ZBTB40: variants seen among roughly 807,000 people sequenced by gnomAD.
ZBTB40 encodes the protein zinc finger and BTB domain-containing protein 40.
In ZBTB40, 60 loss-of-function variants were observed where a neutral mutation model predicts 117.5. The ratio of observed to expected loss-of-function variants is 0.51; its 90% confidence interval spans 0.41 to 0.63. The LOEUF (loss-of-function observed/expected upper bound fraction) is 0.63. ZBTB40 is among the 30% of genes least tolerant of loss of function. The probability of loss-of-function intolerance (pLI) is 0.00; values close to 1 mark genes in which losing one functional copy is unlikely to be tolerated. For synonymous variants in ZBTB40, 525 were observed against 577.1 expected, an observed-to-expected ratio of 0.91 and a Z score of 1.29; for missense variants, 1,287 against 1,498.5, an observed-to-expected ratio of 0.86 and a Z score of 2.33.
At chr1:22,500,219 A>T (rs550238878) in intron 3 of ZBTB40, among the ~76,000 whole-genome samples, 1 of 152,318 alleles carries the variant, frequency 6.6e-6, no homozygotes, top group South Asian at 2.1e-4. Flanking sequence ...CAAAGAAAGG[A>T]ATGCTAATTT....
intron 3 of ZBTB40, 76 bp downstream of exon 3, chr1:22,491,609 C>A: frequency 6.8e-7 from 1 of 1,473,542 alleles, no homozygotes; most frequent in Non-Finnish European, 9.4e-7. Context: ...TTATATGGGG[C>A]AGAAATAGCC....
At chr1:22,515,025 C>G (rs933125895) in intron 12 of ZBTB40, among the ~76,000 whole-genome samples, 2 of 152,148 alleles carry the variant, frequency 1.3e-5, no homozygotes, top group African/African-American at 4.8e-5. Flanking sequence ...TATGAAGAAG[C>G]ATAAAGCAGG....
At chr1:22,522,870 A>G (rs1639573339) in intron 16 of ZBTB40, among the ~76,000 whole-genome samples, 1 of 149,236 alleles carries the variant, frequency 6.7e-6, no homozygotes, top group Non-Finnish European at 1.5e-5. Flanking sequence ...GGTTCAAGCA[A>G]TTCTCCCTGA....
At chr1:22,429,302 A>C (rs1640545680) in intron 1 of ZBTB40, among the ~76,000 whole-genome samples, 1 of 151,852 alleles carries the variant, frequency 6.6e-6, no homozygotes, top group Non-Finnish European at 1.5e-5. Context: ...GAATGGCTGA[A>C]CCCGGAAGGC....
chr1:22,473,667 G>A (rs908046123), intron 1 of ZBTB40, among the ~76,000 whole-genome samples: 2 of 152,208 alleles, frequency 1.3e-5, no homozygotes, highest in Non-Finnish European at 2.9e-5. Context: ...CAGTGGATGT[G>A]TTTGGCTCAC....
intron 1 of ZBTB40, among the ~76,000 whole-genome samples, chr1:22,430,284 A>T (rs925326870): frequency 3.3e-5 from 5 of 152,086 alleles, no homozygotes; most frequent in Admixed American, 2.0e-4. Flanking sequence ...TACTGTCCTT[A>T]TCTGGTTATA....
intron 17 of ZBTB40, 80 bp from the exon 18 acceptor site, chr1:22,526,122 A>G: frequency 1.3e-6 from 2 of 1,508,054 alleles, no homozygotes; most frequent in Admixed American, 3.4e-5. Flanking sequence ...TCATCATTAC[A>G]GCATGAGATG....
chr1:22,455,940 G>C (rs953095709), intron 1 of ZBTB40, among the ~76,000 whole-genome samples: 1 of 152,150 alleles, frequency 6.6e-6, no homozygotes, highest in African/African-American at 2.4e-5. Flanking sequence ...CTCGTACTGA[G>C]TATTTACATT....
At chr1:22,447,824 G>A (rs1640807235), upstream of ZBTB40, among the ~76,000 whole-genome samples, 1 of 152,152 alleles carries the variant, frequency 6.6e-6, no homozygotes, top group Non-Finnish European at 1.5e-5. Flanking sequence ...AGACTGTCTG[G>A]TATCCACTGG....
chr1:22,466,037 C>T (rs1356165243), intron 1 of ZBTB40, among the ~76,000 whole-genome samples: 4 of 152,220 alleles, frequency 2.6e-5, no homozygotes, highest in Non-Finnish European at 5.9e-5. Flanking sequence ...CCCATTTACT[C>T]TTCCCCAAAG....
intron 3 of ZBTB40, among the ~76,000 whole-genome samples, chr1:22,500,772 CAT>C (rs1314413578): frequency 3.3e-5 from 5 of 152,292 alleles, no homozygotes; most frequent in African/African-American, 1.2e-4. Flanking sequence ...ACATGTGAGT[CAT>C]ATGTTCTTAC....
rs762594669 is a variant in ZBTB40, at chr1:22,526,372, G to A, written c.3696G>A (p.Thr1232=). 7.4e-6 allele frequency: 12 copies of A among 1,614,058 alleles called. 1 individual carries two copies. The highest frequency in any genetic ancestry group is 3.3e-5 in the South Asian group (3 of 91,088). The change falls in exon 18 of 18, where the codon ACG becomes ACA. Residue 1232 remains threonine, a synonymous_variant. Coordinates refer to ENST00000375647, the MANE Select transcript of ZBTB40 (RefSeq NM_014870.4). ...TVEDLLDGTV[T]LICGEAK ...AGGACTTGCTGGATGGCACAGTGACGCTGATCTGTGGTGAGGCCAAATGAG... is the reference window on the plus strand; with the variant it reads ...AGGACTTGCTGGATGGCACAGTGACACTGATCTGTGGTGAGGCCAAATGAG...
Position 22,524,303 on chromosome 1 carries a change from C to G in ZBTB40, c.3384C>G (p.Phe1128Leu). The G allele has an allele frequency of 1.9e-6, 3 of 1,614,198 alleles. No individual in the cohort carries two copies. The highest frequency in any genetic ancestry group is 2.5e-6 in the Non-Finnish European group (3 of 1,180,032). Residue 1128 changes from phenylalanine (F) to leucine (L), a missense_variant, in exon 17 of 18, where the codon TTC (phenylalanine) becomes TTG (leucine). Phe to Leu is a conservative substitution (Grantham distance 22). Around this residue, in one of 2 missense-constraint regions of ZBTB40, gnomAD observed 417 missense variants for 564.1 expected, o/e 0.74. Coordinates refer to ENST00000375647, the MANE Select transcript of ZBTB40 (RefSeq NM_014870.4). Reference protein sequence around the residue: ...ALQHHVTTEHFKQSETTFPCE... With the variant: ...ALQHHVTTEHLKQSETTFPCE... ...AGCACCATGTCACCACGGAGCACTT[C>G]AAGCAGTCAGAGACCACCTTCCCCT...
intron 1 of ZBTB40, among the ~76,000 whole-genome samples, chr1:22,430,689 C>T (rs1640569020): frequency 6.7e-6 from 1 of 149,974 alleles, no homozygotes; most frequent in African/African-American, 2.5e-5. Context: ...CGAGGCTGGT[C>T]TTGAACTCTT....
chr1:22,508,440 C>A (rs1237364034), intron 7 of ZBTB40, 90 bp from the exon 8 acceptor site: 2 of 1,474,798 alleles, frequency 1.4e-6, no homozygotes. Flanking sequence ...CAAACATATT[C>A]ACTGTAACCC....
chr1:22,490,397 C>T lies in ZBTB40; in HGVS notation c.449C>T (p.Ser150Leu). Residue 150 changes from serine (S) to leucine (L), a missense_variant, in exon 2 of 18, where the codon TCA (serine) becomes TTA (leucine). By Grantham distance (145) the Ser-to-Leu change is moderately radical (BLOSUM62 -2). Coordinates refer to ENST00000375647, the MANE Select transcript of ZBTB40 (RefSeq NM_014870.4). ...GAGAAGCCTCAAGTAGAAATCCTTT[C>T]ATCTGAAGGTGCTGGAGAGCCTCAT... ...EPEKPQVEIL[S>L]SEGAGEPHSS... 6.2e-7 allele frequency: 1 copy of T among 1,613,438 alleles called. No individual in the cohort carries two copies. The highest frequency in any genetic ancestry group is 8.5e-7 in the Non-Finnish European group (1 of 1,179,504).
chr1:22,436,752 TA>T (rs1640675709), intron 1 of ZBTB40, among the ~76,000 whole-genome samples: 1 of 152,172 alleles, frequency 6.6e-6, no homozygotes, highest in Non-Finnish European at 1.5e-5. Flanking sequence ...CTACATATTA[TA>T]TAATTTCGCT....
chr1:22,451,661 GA>G (rs1004821909), upstream of ZBTB40, among the ~76,000 whole-genome samples: 1 of 150,592 alleles, frequency 6.6e-6, no homozygotes, highest in African/African-American at 2.4e-5. Context: ...AAAAAAAAAA[GA>G]AAAAAACTTT....
chr1:22,490,222 A>C lies in ZBTB40; in HGVS notation c.274A>C (p.Lys92Gln). ...KLPVGKHNFS[K>Q]IISLADSLQM... is the part of the protein sequence containing the mutation. ...ACCTGTGGGCAAGCACAACTTCTCC[A>C]AAATCATCTCCTTAGCAGACAGTCT... Residue 92 changes from lysine (K) to glutamine (Q), a missense_variant, in exon 2 of 18, where the codon AAA becomes CAA. Coordinates refer to ENST00000375647, the MANE Select transcript of ZBTB40 (RefSeq NM_014870.4). 6.2e-7 allele frequency: 1 copy of C among 1,614,210 alleles called. No homozygotes were observed. Among genetic ancestry groups the C allele is most frequent in the Non-Finnish European group, 8.5e-7 (1 of 1,180,030 alleles).
Sources: gnomAD v4.1 joint callset for allele counts (sites outside exome capture counted in the v4.1 genomes callset) on GRCh38, gnomAD v4.1.1 for gene constraint, gnomAD v4.1.1 regional missense constraint, MANE v1.5 for transcripts, NCBI Gene and HGNC (gene_info 2026-07-23, HGNC 2026-07-21) for gene names.